SCN9A: variants seen among roughly 807,000 people sequenced by gnomAD.
SCN9A encodes sodium voltage-gated channel alpha subunit 9, also known as sodium channel protein type 9 subunit alpha.
SCN9A carries 131 observed loss-of-function variants against 187.0 expected under a neutral mutation model. The observed-to-expected ratio is 0.70, with a 90% CI of 0.61 to 0.81. The LOEUF (loss-of-function observed/expected upper bound fraction) is 0.81, where lower values mean the gene tolerates loss of function less well. Ranked by LOEUF, SCN9A falls within the 30% of genes least tolerant of loss-of-function variation. The pLI, the probability that SCN9A is intolerant of heterozygous loss-of-function variation, is 0.00. For synonymous variants in SCN9A, 809 were observed against 808.6 expected (o/e 1.00, Z -0.01); for missense variants, 2,252 against 2,396.6 (o/e 0.94, Z 1.26).
At chr2:166,253,140 G>C (rs941016953) in intron 17 of SCN9A, among the ~76,000 whole-genome samples, 2 of 151,700 alleles carry the variant, frequency 1.3e-5, no homozygotes, top group Non-Finnish European at 2.9e-5. Context: ...ATTCTTGATG[G>C]GTACCACATT....
intron 9 of SCN9A, among the ~76,000 whole-genome samples, chr2:166,292,207 A>C (rs1698105790): frequency 6.6e-6 from 1 of 152,156 alleles, no homozygotes; most frequent in Non-Finnish European, 1.5e-5. Context: ...TCTACAAGTA[A>C]CTTAAACAAA....
chr2:166,341,758 G>GA (rs1323374134), intron 1 of SCN9A, among the ~76,000 whole-genome samples: 2 of 152,210 alleles, frequency 1.3e-5, no homozygotes, highest in African/African-American at 4.8e-5. Flanking sequence ...CAGAAGAAAG[G>GA]AAAAAGGAAG....
intron 17 of SCN9A, among the ~76,000 whole-genome samples, chr2:166,268,264 A>G (rs1205452308): frequency 2.0e-5 from 3 of 152,036 alleles, no homozygotes; most frequent in Admixed American, 6.6e-5. Context: ...CAAATATTCT[A>G]TCTTAAAAAG....
chr2:166,270,964 T>C (rs1351363031), intron 17 of SCN9A, among the ~76,000 whole-genome samples: 1 of 151,934 alleles, frequency 6.6e-6, no homozygotes, highest in Non-Finnish European at 1.5e-5. Context: ...GAAAGCAATC[T>C]CATAAAAGTA....
At chr2:166,306,059 T>G (rs1698745296) in intron 4 of SCN9A, 139 bp from the exon 5 acceptor site, 1 of 851,108 alleles carries the variant, frequency 1.2e-6, no homozygotes, top group African/African-American at 1.7e-5. Context: ...CACACCCTAT[T>G]AAACTACAAT....
At chr2:166,265,238 GA>G (rs1345061782) in intron 17 of SCN9A, among the ~76,000 whole-genome samples, 1 of 151,730 alleles carries the variant, frequency 6.6e-6, no homozygotes, top group Non-Finnish European at 1.5e-5. Flanking sequence ...CCCATCCTCC[GA>G]TAACCACTAT....
At chr2:166,308,626 A>T (rs1344784366) in intron 2 of SCN9A, among the ~76,000 whole-genome samples, 6 of 152,056 alleles carry the variant, frequency 3.9e-5, no homozygotes, top group African/African-American at 2.4e-5. Flanking sequence ...TAGCAGTGTA[A>T]AAATGGACTA....
At chr2:166,307,833 C>T (rs1698807853) in intron 2 of SCN9A, among the ~76,000 whole-genome samples, 1 of 152,156 alleles carries the variant, frequency 6.6e-6, no homozygotes, top group African/African-American at 2.4e-5. Context: ...ATTAAAGCAA[C>T]CTAAAGCATT....
At chr2:166,347,947 T>C (rs142480223) in intron 1 of SCN9A, among the ~76,000 whole-genome samples, 1 of 152,004 alleles carries the variant, frequency 6.6e-6, no homozygotes, top group Non-Finnish European at 1.5e-5. Flanking sequence ...AAATACATGG[T>C]GTCTAGTCAT....
chr2:166,261,074 G>A (rs1696484367), intron 17 of SCN9A, among the ~76,000 whole-genome samples: 1 of 151,592 alleles, frequency 6.6e-6, no homozygotes, highest in Non-Finnish European at 1.5e-5. Context: ...TACAATTGAT[G>A]CATATTATTC....
At chr2:166,284,884 A>T in intron 11 of SCN9A, 60 bp from the exon 12 acceptor site, 1 of 1,488,676 alleles carries the variant, frequency 6.7e-7, no homozygotes, top group Non-Finnish European at 8.9e-7. Context: ...AGTACACTTC[A>T]TATAAATACC....
At chr2:166,340,283 C>T (rs1699731450) in intron 1 of SCN9A, among the ~76,000 whole-genome samples, 1 of 152,110 alleles carries the variant, frequency 6.6e-6, no homozygotes, top group African/African-American at 2.4e-5. Context: ...TTAACATTGA[C>T]ATATCTATTA....
At chr2:166,230,478 G>A (rs1185244734) in intron 21 of SCN9A, among the ~76,000 whole-genome samples, 1 of 152,006 alleles carries the variant, frequency 6.6e-6, no homozygotes, top group Non-Finnish European at 1.5e-5. Flanking sequence ...TGTTTATCAC[G>A]TAGGCACTCT....
chr2:166,345,218 G>A (rs1000720850), intron 1 of SCN9A, among the ~76,000 whole-genome samples: 2 of 151,942 alleles, frequency 1.3e-5, no homozygotes, highest in African/African-American at 4.8e-5. Flanking sequence ...TGATTATGTG[G>A]TACTCAATGT....
At chr2:166,355,354 A>G (rs955701918) in intron 1 of SCN9A, among the ~76,000 whole-genome samples, 1 of 152,128 alleles carries the variant, frequency 6.6e-6, no homozygotes, top group Non-Finnish European at 1.5e-5. Flanking sequence ...AAGTATAGTC[A>G]TTTAAAAAAA....
intron 2 of SCN9A, among the ~76,000 whole-genome samples, chr2:166,307,852 A>C (rs2106529047): frequency 6.6e-6 from 1 of 152,358 alleles, no homozygotes; most frequent in African/African-American, 2.4e-5. Context: ...TTGGCTTAGA[A>C]ATCAGAAAGA....
chr2:166,340,613 TTTC>T lies in SCN9A; in HGVS notation c.-50-28810_-50-28808del, dbSNP rs1466720095. ...TTCTTTCTTTCTTTCTTTTTCTTTCTTTCTTTCCTTTCTCTTCTTTCTTTTTTG... is the reference window on the plus strand; with the variant it reads ...TTCTTTCTTTCTTTCTTTTTCTTTCTTTTCCTTTCTCTTCTTTCTTTTTTG... On this transcript the variant is annotated intron_variant, in intron 1 of 26. Transcript: ENST00000642356. Among the ~76,000 whole-genome samples, 6 of 61,460 alleles carry T rather than the reference TTTC, an allele frequency of 9.8e-5. No individual in the cohort carries two copies. The East Asian group carries it at 1.7e-3, about 18-fold the overall frequency. The allele number at this position is 61,460 out of a possible 152,430, so 40.3% of individuals were successfully genotyped here. A position where few individuals can be genotyped will look rare whatever the true frequency, so the allele number is the denominator to read the frequency against.
At chr2:166,340,540 CCCTTTCTTTCTTTCTT>C (rs1257893152) in intron 1 of SCN9A, among the ~76,000 whole-genome samples, 1,733 of 111,330 alleles carry the variant, frequency 0.016, 79 homozygotes, top group Non-Finnish European at 0.02. Context: ...TCTTTTCTTT[CCCTTTCTTTCTTTCTT>C]TCTTTCTTTC....
intron 17 of SCN9A, 98 bp downstream of exon 17, chr2:166,272,301 C>A (rs1457150269): frequency 6.3e-6 from 5 of 788,194 alleles, no homozygotes; most frequent in African/African-American, 5.3e-5. Context: ...TCACTACATG[C>A]AATGTTAAGA....
Sources: allele counts gnomAD v4.1 joint callset (sites outside exome capture counted in the v4.1 genomes callset), GRCh38; gene constraint gnomAD v4.1.1; transcripts MANE v1.5; gene names NCBI Gene and HGNC (gene_info 2026-07-23, HGNC 2026-07-21).